Variants in FBXL17 observed in about 807,000 individuals in gnomAD.
FBXL17 encodes the protein F-box/LRR-repeat protein 17.
A neutral mutation model predicts 66.2 loss-of-function variants in FBXL17; 22 were observed. The ratio of observed to expected loss-of-function variants is 0.33; its 90% CI spans 0.24 to 0.47. FBXL17 has a LOEUF of 0.47. FBXL17 is among the 20% of genes least tolerant of loss of function. The pLI, the probability that FBXL17 is intolerant of heterozygous loss-of-function variation, is 1.00. For synonymous variants in FBXL17, 474 were observed against 400.5 expected, an observed-to-expected ratio of 1.18 and a Z score of -2.19; for missense variants, 878 against 948.2, an observed-to-expected ratio of 0.93 and a Z score of 0.97.
chr5:108,219,697 TA>T (rs375143772), intron 5 of FBXL17, among the ~76,000 whole-genome samples: 1,790 of 150,684 alleles, frequency 0.012, 34 homozygotes, highest in African/African-American at 0.04. Flanking sequence ...AAATTAAAAT[TA>T]AAAAAAAAGA....
At chr5:108,336,111 G>A (rs1760369742) in intron 4 of FBXL17, among the ~76,000 whole-genome samples, 1 of 151,948 alleles carries the variant, frequency 6.6e-6, no homozygotes, top group Non-Finnish European at 1.5e-5. Flanking sequence ...CTACAAAATT[G>A]TTAGAACATA....
chr5:108,038,986 T>C lies in FBXL17; in HGVS notation c.1746-17985A>G, dbSNP rs1432814775. ...AAGGTCTCAGGTCTAAGTAGAAGAC[T>C]AGTGAATAAATGGACATTTAAATAA... On this transcript the variant is annotated intron_variant, in intron 6 of 8. Transcript: ENST00000542267. Among the ~76,000 whole-genome samples, 3 of 152,158 alleles carry C rather than the reference T, an allele frequency of 2.0e-5. No individual in the cohort carries two copies. The South Asian group carries it at 6.2e-4, about 32-fold the overall frequency.
chr5:107,977,140 T>C (rs1210252662), intron 7 of FBXL17, among the ~76,000 whole-genome samples: 1 of 152,208 alleles, frequency 6.6e-6, no homozygotes, highest in Non-Finnish European at 1.5e-5. Context: ...AAGTTATTCA[T>C]TGGAGATAAC....
intron 3 of FBXL17, among the ~76,000 whole-genome samples, chr5:108,356,015 T>G (rs553337284): frequency 1.3e-5 from 2 of 152,096 alleles, no homozygotes; most frequent in Non-Finnish European, 2.9e-5. Context: ...CAGAAATATA[T>G]AAATTAAAAG....
intron 6 of FBXL17, among the ~76,000 whole-genome samples, chr5:108,165,203 G>A (rs1752370939): frequency 6.6e-6 from 1 of 152,114 alleles, no homozygotes; most frequent in African/African-American, 2.4e-5. Context: ...TAGAAATGGT[G>A]GTATAGTTCT....
At chr5:108,130,819 A>C (rs1750904503) in intron 6 of FBXL17, among the ~76,000 whole-genome samples, 1 of 152,098 alleles carries the variant, frequency 6.6e-6, no homozygotes, top group South Asian at 2.1e-4. Flanking sequence ...TTGTAAGTTC[A>C]ATTAATAACA....
intron 7 of FBXL17, among the ~76,000 whole-genome samples, chr5:107,951,707 C>G (rs528545504): frequency 1.3e-5 from 2 of 152,344 alleles, no homozygotes; most frequent in African/African-American, 4.8e-5. Flanking sequence ...GATGTCAGCT[C>G]TCTGTCTCAA....
chr5:107,892,496 A>C (rs1242869990), intron 7 of FBXL17, among the ~76,000 whole-genome samples: 2 of 152,110 alleles, frequency 1.3e-5, no homozygotes, highest in Admixed American at 1.3e-4. Flanking sequence ...TATTTTTACA[A>C]AGTAAAAAGA....
intron 7 of FBXL17, among the ~76,000 whole-genome samples, chr5:107,958,488 A>G (rs1751756059): frequency 6.6e-6 from 1 of 152,214 alleles, no homozygotes; most frequent in Non-Finnish European, 1.5e-5. Context: ...AAGAAAGAAA[A>G]GCTTAAATTA....
In FBXL17 at chr5:108,288,074, G is replaced by A. The variant is rs568013982; in HGVS notation, c.1506+60325C>T. Among the ~76,000 whole-genome samples the A allele has an allele frequency of 3.3e-5, 5 of 152,022 alleles. No homozygotes were observed. The South Asian group carries it at 1.0e-3, about 31-fold the overall frequency. On this transcript the variant is annotated intron_variant, in intron 4 of 8. Coordinates refer to ENST00000542267, the MANE Select transcript of FBXL17 (RefSeq NM_001163315.3). ...TGGGAGATAACCACTGAGTACATAT[G>A]AACATTAAGAAGAGAACAGACACCA...
At position 107,870,510 on chromosome 5, in the gene FBXL17, T is replaced by C. The variant is rs145761913; in HGVS notation, c.1966-8650A>G. The stretch of plus-strand genomic sequence containing the variant: ...GAAGGAAAAAAAATTCTATCCCCAG[T>C]TCTCACATGGACCTAGTGCTTCCTC... On this transcript the variant is annotated intron_variant, in intron 8 of 8. Coordinates refer to ENST00000542267, the MANE Select transcript of FBXL17 (RefSeq NM_001163315.3). Among the ~76,000 whole-genome samples the C allele has an allele frequency of 5.8e-4, 89 of 152,258 alleles. 1 individual carries two copies. Among genetic ancestry groups the C allele is most frequent in the African/African-American group, 2.0e-3 (83 of 41,558 alleles).
chr5:108,309,778 T>A (rs562088755), intron 4 of FBXL17, among the ~76,000 whole-genome samples: 12 of 152,218 alleles, frequency 7.9e-5, no homozygotes, highest in African/African-American at 2.9e-4. Context: ...ATGGGTAATC[T>A]GTGATTTCTG....
intron 7 of FBXL17, among the ~76,000 whole-genome samples, chr5:108,013,420 A>C (rs998118708): frequency 6.6e-6 from 1 of 152,332 alleles, no homozygotes; most frequent in Admixed American, 6.5e-5. Flanking sequence ...AAAAGCATCC[A>C]TTCAGACACC....
intron 4 of FBXL17, among the ~76,000 whole-genome samples, chr5:108,235,221 T>G (rs935890525): frequency 6.6e-6 from 1 of 152,220 alleles, no homozygotes; most frequent in African/African-American, 2.4e-5. Flanking sequence ...TTCTTGATCT[T>G]AATTAGAAAC....
chr5:108,253,683 T>C (rs1018644572), intron 4 of FBXL17, among the ~76,000 whole-genome samples: 4 of 152,100 alleles, frequency 2.6e-5, no homozygotes, highest in South Asian at 2.1e-4. Flanking sequence ...TACGCAAATA[T>C]AGCAAATAAT....
At chr5:108,185,443 G>A (rs1753188454) in intron 6 of FBXL17, among the ~76,000 whole-genome samples, 1 of 152,084 alleles carries the variant, frequency 6.6e-6, no homozygotes, top group Non-Finnish European at 1.5e-5. Context: ...TCTGCTTTTT[G>A]CCATGCTTGT....
intron 5 of FBXL17, among the ~76,000 whole-genome samples, chr5:108,219,904 T>G (rs1047380140): frequency 6.7e-6 from 1 of 150,354 alleles, no homozygotes; most frequent in African/African-American, 2.4e-5. Flanking sequence ...TTTCATTGAT[T>G]TCCTCTTTGA....
At chr5:108,342,085 T>G (rs960261400) in intron 4 of FBXL17, among the ~76,000 whole-genome samples, 3 of 152,166 alleles carry the variant, frequency 2.0e-5, no homozygotes, top group African/African-American at 7.2e-5. Context: ...GCCTGGCACA[T>G]AGTAACTGTT....
intron 3 of FBXL17, among the ~76,000 whole-genome samples, chr5:108,354,250 C>T (rs980624972): frequency 6.6e-6 from 1 of 152,064 alleles, no homozygotes; most frequent in Non-Finnish European, 1.5e-5. Flanking sequence ...CAGTCAGATA[C>T]AGCAGGAATG....
Sources: allele counts gnomAD v4.1 joint callset (sites outside exome capture counted in the v4.1 genomes callset), GRCh38; gene constraint gnomAD v4.1.1; transcripts MANE v1.5; gene names NCBI Gene and HGNC (gene_info 2026-07-23, HGNC 2026-07-21).